DMXL2: variants seen among roughly 807,000 people sequenced by gnomAD.
DMXL2 encodes dmX-like protein 2.
A neutral mutation model predicts 331.1 loss-of-function variants in DMXL2; 103 were observed. The ratio of observed to expected loss-of-function variants is 0.31; its 90% CI spans 0.27 to 0.37. DMXL2 has a LOEUF of 0.37. Among genes scored for constraint, DMXL2 ranks in the 10% least tolerant of loss-of-function variants. The probability of loss-of-function intolerance (pLI) is 1.00; values close to 1 mark genes in which losing one functional copy is unlikely to be tolerated. For synonymous variants in DMXL2, 1,281 were observed against 1,252.1 expected (o/e 1.02, Z -0.49); for missense variants, 3,171 against 3,642.9 (o/e 0.87, Z 3.33).
intron 14 of DMXL2, 82 bp downstream of exon 14, chr15:51,516,996 T>G (rs1284989249): frequency 2.8e-6 from 3 of 1,064,734 alleles, no homozygotes; most frequent in African/African-American, 1.6e-5. Context: ...AAAATTATTC[T>G]GAGAATGACA....
Position 51,536,803 on chromosome 15 carries a change from A to C in DMXL2, c.1677T>G (p.Ser559Arg), listed in dbSNP as rs780344902. 1 of 1,613,782 alleles carries C rather than the reference A, an allele frequency of 6.2e-7. No homozygotes were observed. Among genetic ancestry groups the C allele is most frequent in the Non-Finnish European group, 8.5e-7 (1 of 1,179,896 alleles). The change falls in exon 12 of 44, where the codon AGT becomes AGG. Residue 559 changes from serine (S) to arginine (R), a missense_variant. Transcript: ENST00000560891. ...TACAGGCATACATCATGATATTTTT[A>C]CTAAGAGAGCTTGCATCACCAGAGG... ...AFPSGDASSL[S>R]KNIMMYACIN...
chr15:51,455,124 G>A (rs371803853), intron 40 of DMXL2, 27 bp downstream of exon 40: 17 of 1,563,778 alleles, frequency 1.1e-5, no homozygotes, highest in African/African-American at 4.1e-5. Context: ...GTGTATATGC[G>A]CCCTGGGAAC....
intron 16 of DMXL2, among the ~76,000 whole-genome samples, chr15:51,503,871 T>A (rs2043860296): frequency 6.6e-6 from 1 of 152,126 alleles, no homozygotes; most frequent in East Asian, 1.9e-4. Context: ...TTTAAAAAAA[T>A]TACTTTGCAG....
intron 9 of DMXL2, among the ~76,000 whole-genome samples, chr15:51,540,353 C>T (rs2048520585): frequency 6.6e-6 from 1 of 152,088 alleles, no homozygotes; most frequent in Admixed American, 6.6e-5. Flanking sequence ...AGTATTACAG[C>T]TATGGAGGCA....
At chr15:51,514,379 G>T in intron 15 of DMXL2, 63 bp downstream of exon 15, 1 of 971,376 alleles carries the variant, frequency 1.0e-6, no homozygotes, top group African/African-American at 1.7e-5. Flanking sequence ...CATACTCAGT[G>T]AAAACTTAGA....
chr15:51,495,266 G>A, intron 18 of DMXL2, 132 bp from the exon 19 acceptor site: 5 of 491,744 alleles, frequency 1.0e-5, no homozygotes, highest in Non-Finnish European at 1.4e-5. Context: ...ATTCCTTCCT[G>A]AACACTTTAA....
intron 1 of DMXL2, among the ~76,000 whole-genome samples, chr15:51,605,592 G>A (rs1403047413): frequency 2.8e-5 from 1 of 36,216 alleles, no homozygotes; most frequent in Non-Finnish European, 6.5e-5. Context: ...GCCGGACTGC[G>A]GACTGCAGTG....
intron 18 of DMXL2, among the ~76,000 whole-genome samples, chr15:51,498,282 C>G (rs1409839261): frequency 6.6e-6 from 1 of 151,934 alleles, no homozygotes; most frequent in East Asian, 1.9e-4. Flanking sequence ...CACAAAAAAA[C>G]AAGATTATAA....
Position 51,448,954 on chromosome 15 carries a change from G to GAAATGTATATAAAA in DMXL2, c.*16_*29dup. 6.2e-7 allele frequency: 1 copy of GAAATGTATATAAAA among 1,604,562 alleles called. No homozygotes were observed. Among genetic ancestry groups the GAAATGTATATAAAA allele is most frequent in the Non-Finnish European group, 8.5e-7 (1 of 1,173,658 alleles). Reference sequence around the variant, plus strand: ...GATGACTGTAGTGTGCCTTTTAACTGAAATGTATATAAAAATAAAACCCCA... The same window carrying GAAATGTATATAAAA: ...GATGACTGTAGTGTGCCTTTTAACTGAAATGTATATAAAAAAATGTATATAAAAATAAAACCCCA... On this transcript the variant is annotated 3_prime_UTR_variant, in exon 44 of 44. Coordinates refer to ENST00000560891, the MANE Select transcript of DMXL2 (RefSeq NM_001378457.1).
intron 15 of DMXL2, among the ~76,000 whole-genome samples, chr15:51,507,569 G>A (rs1345733872): frequency 6.6e-6 from 1 of 151,912 alleles, no homozygotes; most frequent in East Asian, 1.9e-4. Context: ...CAAACTATGA[G>A]TTCACACAAA....
intron 1 of DMXL2, among the ~76,000 whole-genome samples, chr15:51,594,469 A>G (rs2052636571): frequency 6.6e-6 from 1 of 152,296 alleles, no homozygotes; most frequent in Admixed American, 6.5e-5. Context: ...ATTCACAGCC[A>G]AATTCTACCA....
chr15:51,508,440 A>G (rs1215009297), intron 15 of DMXL2, among the ~76,000 whole-genome samples: 1 of 152,218 alleles, frequency 6.6e-6, no homozygotes, highest in Non-Finnish European at 1.5e-5. Flanking sequence ...TATTACAATA[A>G]TGAGGTTATG....
intron 1 of DMXL2, among the ~76,000 whole-genome samples, chr15:51,618,008 A>G (rs1267330217): frequency 6.6e-6 from 1 of 152,220 alleles, no homozygotes; most frequent in Non-Finnish European, 1.5e-5. Flanking sequence ...CACTCCAAGA[A>G]CAAAAAGGCC....
chr15:51,484,922 T>A (rs748545693), intron 23 of DMXL2, among the ~76,000 whole-genome samples: 1 of 150,732 alleles, frequency 6.6e-6, no homozygotes, highest in Non-Finnish European at 1.5e-5. Context: ...AGCTAAAAAA[T>A]TCAATGAATG....
chr15:51,553,999 A>C (rs1312533716), intron 6 of DMXL2, among the ~76,000 whole-genome samples: 2 of 152,202 alleles, frequency 1.3e-5, no homozygotes, highest in Non-Finnish European at 2.9e-5. Flanking sequence ...TACATGAGTC[A>C]AGGAAAACTT....
At position 51,457,328 on chromosome 15, in the gene DMXL2, C is replaced by T; in HGVS notation, c.8337G>A (p.Val2779=). Residue 2779 remains valine, a splice_region_variant and synonymous_variant, in exon 37 of 44, where the codon GTG becomes GTA. Transcript: ENST00000560891. ...GTGQTSTGAS[V]LMKRNLHNVK... is the part of the protein sequence containing the mutation. ...TGATACCTATAAGTAAATAACATAC[C>T]ACACTAGCTCCAGTGCTAGTCTGTC... 1 of 1,612,040 alleles carries T rather than the reference C, an allele frequency of 6.2e-7. No individual in the cohort carries two copies. Among genetic ancestry groups the T allele is most frequent in the South Asian group, 1.1e-5 (1 of 90,578 alleles).
chr15:51,554,818 C>T (rs1424558521), intron 6 of DMXL2, among the ~76,000 whole-genome samples: 1 of 152,072 alleles, frequency 6.6e-6, no homozygotes, highest in Non-Finnish European at 1.5e-5. Flanking sequence ...AAGCTTTTGA[C>T]GGTTTTGTAC....
chr15:51,603,537 A>G (rs2053369857), intron 1 of DMXL2: 1 of 152,196 alleles, frequency 6.6e-6, no homozygotes, highest in Non-Finnish European at 1.5e-5. Context: ...AAAAGAAATA[A>G]CACCTATTCT....
chr15:51,539,408 A>T lies in DMXL2; in HGVS notation c.1106-956T>A, dbSNP rs145630173. Among the ~76,000 whole-genome samples the T allele has an allele frequency of 7.7e-3, 1,167 of 152,250 alleles. 13 individuals are homozygous for T. The highest frequency in any genetic ancestry group is 0.02 in the Middle Eastern group (6 of 294). ...GAAACTTTACTAAATAGCTGTTGGG[A>T]AATAAAATCAAGAAAAAAACACAAG... is the stretch of plus-strand genomic sequence containing the variant. On this transcript the variant is annotated intron_variant, in intron 9 of 43. Transcript: ENST00000560891.
Sources: gnomAD v4.1 joint callset for allele counts (sites outside exome capture counted in the v4.1 genomes callset) on GRCh38, gnomAD v4.1.1 for gene constraint, MANE v1.5 for transcripts, NCBI Gene and HGNC (gene_info 2026-07-23, HGNC 2026-07-21) for gene names.